The following TUT4 variants were observed in gnomAD, a reference collection of about 807,000 sequenced individuals.
TUT4 encodes terminal uridylyl transferase 4, also known as terminal uridylyltransferase 4.
In TUT4, 36 loss-of-function variants were observed where a neutral mutation model predicts 192.2. The observed-to-expected ratio is 0.19, with a 90% CI of 0.14 to 0.25. The LOEUF (loss-of-function observed/expected upper bound fraction) is 0.25. Among genes scored for constraint, TUT4 ranks in the 10% least tolerant of loss-of-function variants. The probability of loss-of-function intolerance (pLI) is 1.00; values close to 1 mark genes in which losing one functional copy is unlikely to be tolerated. For missense variants in TUT4, 1,493 were observed against 1,957.2 expected (o/e 0.76, Z 4.47); for synonymous variants, 618 against 666.0 (o/e 0.93, Z 1.11).
In TUT4 at chr1:52,445,743, T is replaced by A. The variant is rs145521302; in HGVS notation, c.3822+44A>T. 2.8e-6 allele frequency: 4 copies of A among 1,433,828 alleles called. No homozygotes were observed. The African/African-American group carries it at 5.7e-5, about 21-fold the overall frequency. The allele number at this position is 1,433,828 out of a possible 1,614,324, so 88.8% of individuals were successfully genotyped here. On this transcript the variant is annotated intron_variant, in intron 24 of 29. Coordinates refer to ENST00000257177, the MANE Select transcript of TUT4 (RefSeq NM_001009881.3). ...AAACACAATTAAGTTTCTTGTTCTA[T>A]TTAAAAAAAGAAAAGATTCACAATT...
At chr1:52,553,418 G>A (rs1248222757), upstream of TUT4, 1 of 152,002 alleles carries the variant, frequency 6.6e-6, no homozygotes, top group African/African-American at 2.4e-5. Flanking sequence ...CGAGGTAGGA[G>A]GATCGCGCAC....
chr1:52,492,904 A>C (rs1177709360), intron 7 of TUT4, among the ~76,000 whole-genome samples: 1 of 152,196 alleles, frequency 6.6e-6, no homozygotes, highest in African/African-American at 2.4e-5. Context: ...GGTGGGAAAA[A>C]ACATATTTAC....
intron 9 of TUT4, among the ~76,000 whole-genome samples, chr1:52,486,607 A>G (rs1002066509): frequency 6.6e-6 from 1 of 152,212 alleles, no homozygotes; most frequent in Non-Finnish European, 1.5e-5. Flanking sequence ...ACTAGGAATT[A>G]TTTCTAAGTT....
At chr1:52,435,798 A>G (rs1036368659) in intron 26 of TUT4, among the ~76,000 whole-genome samples, 1 of 152,086 alleles carries the variant, frequency 6.6e-6, no homozygotes, top group Non-Finnish European at 1.5e-5. Flanking sequence ...TAATCCTAGT[A>G]TTCTGGGAGG....
chr1:52,521,834 T>C (rs759946868), intron 2 of TUT4, among the ~76,000 whole-genome samples: 1 of 151,350 alleles, frequency 6.6e-6, no homozygotes, highest in South Asian at 2.1e-4. Flanking sequence ...TGTGGTGGCA[T>C]GCACCTGTAA....
At position 52,451,769 on chromosome 1, in the gene TUT4, G is replaced by A. The variant is rs894968603; in HGVS notation, c.3436-5102C>T. Among the ~76,000 whole-genome samples, 10 of 151,712 alleles carry A rather than the reference G, an allele frequency of 6.6e-5. No individual in the cohort carries two copies. In the East Asian group the frequency reaches 2.0e-3, roughly 30 times the overall value. ...GAGGAAGGAGAATTGCTTGAACCCA[G>A]GAGGCGGAGATTGCAGTGAGCCGAG... On this transcript the variant is annotated intron_variant, in intron 20 of 29. Coordinates refer to ENST00000257177, the MANE Select transcript of TUT4 (RefSeq NM_001009881.3).
At chr1:52,435,297 C>A in intron 27 of TUT4, 68 bp downstream of exon 27, 1 of 1,291,374 alleles carries the variant, frequency 7.7e-7, no homozygotes. Context: ...TGAGAGAAAA[C>A]ACTATCACCC....
chr1:52,487,355 G>A (rs184280401), intron 9 of TUT4, among the ~76,000 whole-genome samples: 111 of 152,054 alleles, frequency 7.3e-4, no homozygotes, highest in Middle Eastern at 3.4e-3. Flanking sequence ...GGAAGCCCGC[G>A]GCAGGAGGAT....
intron 28 of TUT4, among the ~76,000 whole-genome samples, chr1:52,425,807 G>A (rs1020156360): frequency 7.0e-6 from 1 of 142,216 alleles, no homozygotes; most frequent in Non-Finnish European, 1.5e-5. Flanking sequence ...GACAGTCTTC[G>A]TAAGATGATT....
At chr1:52,446,234 G>T in intron 22 of TUT4, 31 bp downstream of exon 22, 4 of 1,573,554 alleles carry the variant, frequency 2.5e-6, no homozygotes, top group Non-Finnish European at 3.4e-6. Flanking sequence ...AATTTTGGTT[G>T]CTCCTGAATT....
At chr1:52,439,956 T>C (rs1450289088) in intron 24 of TUT4, among the ~76,000 whole-genome samples, 1 of 152,208 alleles carries the variant, frequency 6.6e-6, no homozygotes, top group Non-Finnish European at 1.5e-5. Flanking sequence ...AATGAAGTAT[T>C]GATACATGGT....
At chr1:52,435,884 G>C (rs890385235) in intron 26 of TUT4, among the ~76,000 whole-genome samples, 1 of 151,890 alleles carries the variant, frequency 6.6e-6, no homozygotes, top group African/African-American at 2.4e-5. Context: ...ACTGCAGCCT[G>C]GGCAACAAGA....
chr1:52,454,547 T>C (rs1425893382), intron 20 of TUT4, among the ~76,000 whole-genome samples: 1 of 152,192 alleles, frequency 6.6e-6, no homozygotes, highest in Non-Finnish European at 1.5e-5. Flanking sequence ...AATCTAGGCA[T>C]AGACCTTATA....
chr1:52,468,435 G>C (rs1195634415), intron 14 of TUT4, 168 bp from the exon 15 acceptor site: 1 of 524,952 alleles, frequency 1.9e-6, no homozygotes, highest in Non-Finnish European at 3.2e-6. Flanking sequence ...CTGGGAGATA[G>C]AAGGAAAAAA....
chr1:52,436,870 A>T lies in TUT4; in HGVS notation c.4047T>A (p.Thr1349=), dbSNP rs781025662. 1 of 1,613,096 alleles carries T rather than the reference A, an allele frequency of 6.2e-7. No individual in the cohort carries two copies. Among genetic ancestry groups the T allele is most frequent in the Non-Finnish European group, 8.5e-7 (1 of 1,179,808 alleles). Residue 1349 remains threonine, a synonymous_variant, in exon 26 of 30, where the codon ACT becomes ACA. Coordinates refer to ENST00000257177, the MANE Select transcript of TUT4 (RefSeq NM_001009881.3). ...DVLDPRDLHD[T]RDFRDPRDLR... is the part of the protein sequence containing the mutation. ...GGTCTCTCGGGTCTCTAAAGTCTCG[A>T]GTATCGTGGAGGTCTCGGGGGTCAA...
At chr1:52,468,891 TC>T (rs1444744594) in intron 14 of TUT4, among the ~76,000 whole-genome samples, 1 of 152,218 alleles carries the variant, frequency 6.6e-6, no homozygotes, top group Non-Finnish European at 1.5e-5. Context: ...AGTCTTTTTT[TC>T]CCTATCTCTT....
At chr1:52,441,939 C>G (rs574177765) in intron 24 of TUT4, among the ~76,000 whole-genome samples, 15 of 151,880 alleles carry the variant, frequency 9.9e-5, no homozygotes, top group African/African-American at 3.6e-4. Context: ...GAGGCCGAGG[C>G]GGGCAATCAT....
intron 3 of TUT4, among the ~76,000 whole-genome samples, chr1:52,511,840 T>C (rs909051036): frequency 2.6e-5 from 4 of 152,120 alleles, no homozygotes; most frequent in African/African-American, 9.7e-5. Flanking sequence ...AAGATCTAAT[T>C]TATATTTTAA....
chr1:52,468,271 G>T lies in TUT4; in HGVS notation c.2879-4C>A, dbSNP rs765214015. The T allele has an allele frequency of 1.9e-6, 3 of 1,566,580 alleles. No individual in the cohort carries two copies. The highest frequency in any genetic ancestry group is 1.7e-6 in the Non-Finnish European group (2 of 1,165,174). On this transcript the variant is annotated splice_polypyrimidine_tract_variant and splice_region_variant and intron_variant, in intron 14 of 29. Transcript: ENST00000257177. ...GAACAAGGTGGTGATAACTCATCTG[G>T]GTTTATAAAAAGAAGAAAAAAGGAA...
Sources: allele counts gnomAD v4.1 joint callset (sites outside exome capture counted in the v4.1 genomes callset), GRCh38; gene constraint gnomAD v4.1.1; transcripts MANE v1.5; gene names NCBI Gene and HGNC (gene_info 2026-07-23, HGNC 2026-07-21).